ADGRL2: variants seen among roughly 807,000 people sequenced by gnomAD.
The protein encoded by ADGRL2 is calcium-independent alpha-latrotoxin receptor 2.
Under a neutral mutation model 157.4 loss-of-function variants are expected in ADGRL2, and 44 were observed. The observed-to-expected ratio is 0.28, with a 90% CI of 0.22 to 0.36. The LOEUF is 0.36. Ranked by LOEUF, ADGRL2 falls within the 10% of genes least tolerant of loss-of-function variation. ADGRL2 has a pLI of 1.00. For synonymous variants in ADGRL2, 585 were observed against 624.7 expected (o/e 0.94, Z 0.95); for missense variants, 1,510 against 1,768.9 (o/e 0.85, Z 2.63).
chr1:81,796,617 A>G (rs2087602272), upstream of ADGRL2, among the ~76,000 whole-genome samples: 1 of 152,208 alleles, frequency 6.6e-6, no homozygotes, highest in African/African-American at 2.4e-5. Flanking sequence ...CGACATAAAA[A>G]TTTCCTAAAT....
intron 3 of ADGRL2, among the ~76,000 whole-genome samples, chr1:81,605,659 C>A (rs1255471626): frequency 6.6e-6 from 1 of 152,284 alleles, no homozygotes; most frequent in South Asian, 2.1e-4. Flanking sequence ...TGAGCATCCA[C>A]TTTGTGAGCT....
intron 2 of ADGRL2, among the ~76,000 whole-genome samples, chr1:81,794,660 A>T (rs2087501197): frequency 1.3e-5 from 2 of 152,200 alleles, no homozygotes; most frequent in Admixed American, 6.5e-5. Flanking sequence ...CTAATTTGAA[A>T]GAAAACTGAT....
At chr1:81,391,627 G>C (rs981648185) in intron 1 of ADGRL2, among the ~76,000 whole-genome samples, 1 of 52,538 alleles carries the variant, frequency 1.9e-5, no homozygotes, top group Non-Finnish European at 3.8e-5. Flanking sequence ...GGTGCCCTTT[G>C]AACACGGCAG....
intron 2 of ADGRL2, among the ~76,000 whole-genome samples, chr1:81,868,606 CTCT>C (rs2093612589): frequency 6.6e-6 from 1 of 151,984 alleles, no homozygotes; most frequent in Non-Finnish European, 1.5e-5. Context: ...TTGTCTCCTC[CTCT>C]TCTTATGATA....
intron 19 of ADGRL2, among the ~76,000 whole-genome samples, chr1:81,983,420 G>T (rs564076358): frequency 3.1e-4 from 47 of 151,966 alleles, no homozygotes; most frequent in African/African-American, 1.1e-3. Context: ...TGTTCTAATA[G>T]GTATAACTAA....
Position 81,936,835 on chromosome 1 carries a change from A to G in ADGRL2, c.395A>G (p.Tyr132Cys). 2 of 1,568,978 alleles carry G rather than the reference A, an allele frequency of 1.3e-6. No homozygotes were observed. The highest frequency in any genetic ancestry group is 1.1e-5 in the South Asian group (1 of 90,064). ...GAAGTCCAATATGAATGTGTCCCTTACAGTAAGTATGCAGTTTATATTTTT... is the reference window on the plus strand; with the variant it reads ...GAAGTCCAATATGAATGTGTCCCTTGCAGTAAGTATGCAGTTTATATTTTT... ...YLEVQYECVP[Y>C]MEQKVFVCPG... is the part of the protein sequence containing the mutation. Residue 132 changes from tyrosine to cysteine, a missense_variant and splice_region_variant, in exon 4 of 24, where the codon TAC becomes TGC. Around this residue, in one of 4 missense-constraint regions of ADGRL2, gnomAD observed 361 missense variants for 498.4 expected, o/e 0.72. Coordinates refer to ENST00000686636, the MANE Select transcript of ADGRL2 (RefSeq NM_001366006.2).
chr1:81,894,894 G>A (rs1363702234), intron 2 of ADGRL2, among the ~76,000 whole-genome samples: 1 of 152,074 alleles, frequency 6.6e-6, no homozygotes, highest in Admixed American at 6.6e-5. Flanking sequence ...GGAAAGACAT[G>A]ACATCACAGC....
At chr1:81,532,596 A>AT (rs1479285629) in intron 2 of ADGRL2, among the ~76,000 whole-genome samples, 2 of 126,360 alleles carry the variant, frequency 1.6e-5, no homozygotes, top group Non-Finnish European at 3.3e-5. Flanking sequence ...TCATCTGGAA[A>AT]CCAAAAAAAA....
At chr1:81,425,664 T>G (rs1187494033) in intron 1 of ADGRL2, among the ~76,000 whole-genome samples, 1 of 152,218 alleles carries the variant, frequency 6.6e-6, no homozygotes, top group Non-Finnish European at 1.5e-5. Context: ...CTGGGAGAAC[T>G]GACCTTGGTT....
chr1:81,647,111 T>C (rs1315195085), intron 3 of ADGRL2, among the ~76,000 whole-genome samples: 1 of 152,190 alleles, frequency 6.6e-6, no homozygotes, highest in African/African-American at 2.4e-5. Flanking sequence ...AATTTGGCAG[T>C]AGCAAAAAAA....
At chr1:81,889,738 G>A (rs563912564) in intron 2 of ADGRL2, among the ~76,000 whole-genome samples, 1 of 152,352 alleles carries the variant, frequency 6.6e-6, no homozygotes, top group East Asian at 1.9e-4. Context: ...CATAGCTGAA[G>A]AGAAGTCAGT....
intron 3 of ADGRL2, among the ~76,000 whole-genome samples, chr1:81,908,022 C>T (rs536633157): frequency 9.9e-5 from 15 of 152,168 alleles, no homozygotes; most frequent in African/African-American, 2.2e-4. Context: ...CGTAGTGTGA[C>T]GCATTATCTT....
chr1:81,912,785 G>T (rs1380820530), intron 3 of ADGRL2, among the ~76,000 whole-genome samples: 1 of 152,106 alleles, frequency 6.6e-6, no homozygotes, highest in Non-Finnish European at 1.5e-5. Context: ...TATTTTGACA[G>T]CTCAAATAAA....
chr1:81,836,275 C>G (rs2092276218), intron 1 of ADGRL2, among the ~76,000 whole-genome samples: 1 of 152,016 alleles, frequency 6.6e-6, no homozygotes, highest in South Asian at 2.1e-4. Flanking sequence ...AGGAAACGAA[C>G]ATGAAGAAAC....
chr1:81,908,367 T>C (rs1383552920), intron 3 of ADGRL2, among the ~76,000 whole-genome samples: 1 of 152,216 alleles, frequency 6.6e-6, no homozygotes, highest in Non-Finnish European at 1.5e-5. Flanking sequence ...ATTTTCCAGA[T>C]TGGCTTATTT....
At chr1:81,891,372 A>G (rs542778535) in intron 2 of ADGRL2, among the ~76,000 whole-genome samples, 4 of 152,008 alleles carry the variant, frequency 2.6e-5, no homozygotes, top group African/African-American at 7.2e-5. Flanking sequence ...TTTTTTGGTT[A>G]TTGTTAGAGT....
intron 1 of ADGRL2, among the ~76,000 whole-genome samples, chr1:81,410,696 G>A (rs2076931980): frequency 6.6e-6 from 1 of 152,210 alleles, no homozygotes; most frequent in African/African-American, 2.4e-5. Flanking sequence ...TATAGTATTA[G>A]CACATGATAT....
intron 1 of ADGRL2, among the ~76,000 whole-genome samples, chr1:81,348,288 C>T (rs1395415597): frequency 3.9e-5 from 6 of 152,180 alleles, no homozygotes; most frequent in African/African-American, 9.7e-5. Flanking sequence ...TACACACACA[C>T]TTGTGTACAA....
chr1:81,426,724 T>A, intron 1 of ADGRL2: 1 of 470,166 alleles, frequency 2.1e-6, no homozygotes, highest in East Asian at 5.4e-5. Context: ...AAGAGGTGGA[T>A]GCAACAACAT....
Sources: gnomAD v4.1 joint callset for allele counts (sites outside exome capture counted in the v4.1 genomes callset) on GRCh38, gnomAD v4.1.1 for gene constraint, gnomAD v4.1.1 regional missense constraint, MANE v1.5 for transcripts, NCBI Gene and HGNC (gene_info 2026-07-23, HGNC 2026-07-21) for gene names.